SQSTM1: variants seen among roughly 807,000 people sequenced by gnomAD.
SQSTM1 encodes sequestosome-1.
Under a neutral mutation model 45.1 loss-of-function variants are expected in SQSTM1, and 36 were observed. That is an observed-to-expected ratio of 0.80 (90% CI 0.61 to 1.05). SQSTM1 has a LOEUF of 1.05. SQSTM1 is among the 50% of genes least tolerant of loss of function. SQSTM1 has a pLI of 0.00. For missense variants in SQSTM1, 617 were observed against 607.1 expected (o/e 1.02, Z -0.17); for synonymous variants, 290 against 244.3 (o/e 1.19, Z -1.74).
At position 179,835,673 on chromosome 5, in the gene SQSTM1, G is replaced by A. The variant is rs565564961; in HGVS notation, c.1166-763G>A. ...TTTGGCTCGGCATCAGAGGGAGACC[G>A]TGGAGAAAGAGGGAGAGGGAAAGCT... On this transcript the variant is annotated intron_variant, in intron 7 of 7. Transcript: ENST00000389805. 659 of 121,400 alleles carry A rather than the reference G, an allele frequency of 5.4e-3. 12 individuals carry two copies. The highest frequency in any genetic ancestry group is 0.043 in the Admixed American group (477 of 11,088). The allele number at this position is 121,400 out of a possible 1,614,324, so 7.5% of individuals were successfully genotyped here. A position where few individuals can be genotyped will look rare whatever the true frequency, so the allele number is the denominator to read the frequency against.
chr5:179,823,421 A>G (rs549319049), intron 2 of SQSTM1: 4 of 225,874 alleles, frequency 1.8e-5, no homozygotes, highest in Non-Finnish European at 3.4e-5. Flanking sequence ...CCGAAATCAC[A>G]TGACTGTACT....
Position 179,837,761 on chromosome 5 carries a change from TGCTGGATGGGACTC to T in SQSTM1, c.*1169_*1182del. 1.2e-6 allele frequency: 2 copies of T among 1,614,250 alleles called. No homozygotes were observed. Among genetic ancestry groups the T allele is most frequent in the Non-Finnish European group, 1.7e-6 (2 of 1,180,052 alleles). ...CCATTTAGAGGATGTGGCTGTAACCTGCTGGATGGGACTCCATAGCTCCTTCCCAGGACCCCTCA... is the reference window on the plus strand; with the variant it reads ...CCATTTAGAGGATGTGGCTGTAACCTCATAGCTCCTTCCCAGGACCCCTCA... On this transcript the variant is annotated 3_prime_UTR_variant, in exon 8 of 8. Coordinates refer to ENST00000389805, the MANE Select transcript of SQSTM1 (RefSeq NM_003900.5).
At chr5:179,811,180 C>T (rs976879001) in intron 1 of SQSTM1, among the ~76,000 whole-genome samples, 1 of 151,860 alleles carries the variant, frequency 6.6e-6, no homozygotes, top group African/African-American at 2.4e-5. Context: ...TTTCAGTGAG[C>T]CGAGATCGCA....
chr5:179,815,912 C>G (rs550434143), upstream of SQSTM1, among the ~76,000 whole-genome samples: 1 of 151,444 alleles, frequency 6.6e-6, no homozygotes, highest in African/African-American at 2.5e-5. Flanking sequence ...ACAAAACTAC[C>G]TGAGCCCACA....
At chr5:179,820,898 G>T (rs764726476), upstream of SQSTM1, 18 of 1,465,808 alleles carry the variant, frequency 1.2e-5, no homozygotes, top group Non-Finnish European at 1.4e-5. Flanking sequence ...CGGCGGCTGC[G>T]ACCGGGACGG....
intron 1 of SQSTM1, among the ~76,000 whole-genome samples, chr5:179,822,328 T>G (rs1221758632): frequency 6.6e-6 from 1 of 152,252 alleles, no homozygotes. Flanking sequence ...TGTTCATTAG[T>G]TGACAGACAT....
chr5:179,835,335 A>T (rs166033), intron 7 of SQSTM1: 1 of 172,198 alleles, frequency 5.8e-6, no homozygotes, highest in Non-Finnish European at 1.2e-5. Context: ...TAAGGCAGGC[A>T]GCTGGGAGGT....
intron 5 of SQSTM1, among the ~76,000 whole-genome samples, chr5:179,828,318 T>A (rs1255404549): frequency 6.6e-6 from 1 of 152,052 alleles, no homozygotes; most frequent in Non-Finnish European, 1.5e-5. Flanking sequence ...ATTGTACTAT[T>A]CTTTCAACTT....
chr5:179,811,308 T>C, intron 1 of SQSTM1, among the ~76,000 whole-genome samples: 1 of 141,508 alleles, frequency 7.1e-6, no homozygotes, highest in Non-Finnish European at 1.5e-5. Context: ...CCACAGAAGC[T>C]CTGCAGGGGG....
upstream of SQSTM1, among the ~76,000 whole-genome samples, chr5:179,818,040 A>AAAAAAAAT (rs1757637622): frequency 6.8e-6 from 1 of 146,608 alleles, no homozygotes; most frequent in Non-Finnish European, 1.5e-5. Context: ...AAAAAAAAAA[A>AAAAAAAAT]GTGATGTCCA....
intron 1 of SQSTM1, chr5:179,807,714 G>A (rs1055027663): frequency 6.6e-6 from 1 of 152,448 alleles, no homozygotes; most frequent in Non-Finnish European, 1.5e-5. Flanking sequence ...GTGCAGTGGC[G>A]CAATCTCGGC....
At chr5:179,831,147 A>G (rs1440114662) in intron 5 of SQSTM1, among the ~76,000 whole-genome samples, 1 of 152,224 alleles carries the variant, frequency 6.6e-6, no homozygotes, top group East Asian at 1.9e-4. Context: ...GTATTAGGAA[A>G]CGGGGGACCT....
Position 179,833,800 on chromosome 5 carries a change from T to A in SQSTM1, c.1165+18T>A. Reference sequence around the variant, plus strand: ...CCCGCCAGGCAAGTGAACCAAGAGGTTTTGTACATATTCCTACCTTTCCCT... The same window carrying A: ...CCCGCCAGGCAAGTGAACCAAGAGGATTTGTACATATTCCTACCTTTCCCT... On this transcript the variant is annotated intron_variant, in intron 7 of 7. Coordinates refer to ENST00000389805, the MANE Select transcript of SQSTM1 (RefSeq NM_003900.5). 1 of 1,613,468 alleles carries A rather than the reference T, an allele frequency of 6.2e-7. No homozygotes were observed. The highest frequency in any genetic ancestry group is 8.5e-7 in the Non-Finnish European group (1 of 1,179,834).
rs761423892 is a variant in SQSTM1, at chr5:179,823,891, C to T, written c.335C>T (p.Pro112Leu). The change falls in exon 3 of 8, where the codon CCG becomes CTG. Residue 112 changes from proline to leucine, a missense_variant. Physicochemically the swap from Pro to Leu is moderately conservative, Grantham distance 98. Transcript: ENST00000389805. ...GAGTGCCGGCGGGACCACCGCCCAC[C>T]GTGTGCTCAGGAGGCGCCCCGCAAC... ...KKECRRDHRP[P>L]CAQEAPRNMV... The T allele has an allele frequency of 6.8e-6, 11 of 1,613,178 alleles. No homozygotes were observed. The highest frequency in any genetic ancestry group is 2.7e-5 in the African/African-American group (2 of 74,930).
intron 1 of SQSTM1, chr5:179,821,619 A>G (rs1201131518): frequency 1.1e-5 from 5 of 436,804 alleles, no homozygotes; most frequent in African/African-American, 4.1e-5. Flanking sequence ...TGACGCGGGT[A>G]AACAAGCGCG....
intron 1 of SQSTM1, among the ~76,000 whole-genome samples, chr5:179,811,306 G>A (rs1011540489): frequency 2.0e-5 from 3 of 149,194 alleles, no homozygotes; most frequent in Non-Finnish European, 4.4e-5. Flanking sequence ...AGCCACAGAA[G>A]CTCTGCAGGG....
intron 5 of SQSTM1, among the ~76,000 whole-genome samples, chr5:179,831,066 G>A (rs985511964): frequency 6.6e-6 from 1 of 152,176 alleles, no homozygotes; most frequent in Admixed American, 6.6e-5. Flanking sequence ...TTACTTTCTG[G>A]TATACAGTCT....
rs762547578 is a variant in SQSTM1 at position 179,823,868 on chromosome 5, G to A, written c.312G>A (p.Glu104=). ...IFRIYIKEKK[E]CRRDHRPPCA... is the part of the protein sequence containing the mutation. ...TTACCCTTCCTGTAGAGAAAAAAGAGTGCCGGCGGGACCACCGCCCACCGT... is the reference window on the plus strand; with the variant it reads ...TTACCCTTCCTGTAGAGAAAAAAGAATGCCGGCGGGACCACCGCCCACCGT... The change falls in exon 3 of 8, where the codon GAG becomes GAA. Residue 104 remains glutamate, a synonymous_variant. Transcript: ENST00000389805. The A allele has an allele frequency of 2.0e-5, 32 of 1,612,006 alleles. No individual in the cohort carries two copies. Among genetic ancestry groups the A allele is most frequent in the Non-Finnish European group, 2.5e-5 (30 of 1,179,994 alleles).
In SQSTM1 at chr5:179,836,839, G is replaced by C. The variant is rs1181133022; in HGVS notation, c.*246G>C. ...GCAGGGCTGGGCCTGCGAGACCCAA[G>C]GCTCACTGCAGCGCGCTCCTGACCC... is the stretch of plus-strand genomic sequence containing the variant. On this transcript the variant is annotated 3_prime_UTR_variant, in exon 8 of 8. Transcript: ENST00000389805. 2 of 659,042 alleles carry C rather than the reference G, an allele frequency of 3.0e-6. No homozygotes were observed. Among genetic ancestry groups the C allele is most frequent in the Non-Finnish European group, 2.7e-6 (1 of 376,374 alleles). The allele number at this position is 659,042 out of a possible 1,614,324, so 40.8% of individuals were successfully genotyped here. A position where few individuals can be genotyped will look rare whatever the true frequency, so the allele number is the denominator to read the frequency against.
Sources: gnomAD v4.1 joint callset for allele counts (sites outside exome capture counted in the v4.1 genomes callset) on GRCh38, gnomAD v4.1.1 for gene constraint, MANE v1.5 for transcripts, NCBI Gene and HGNC (gene_info 2026-07-23, HGNC 2026-07-21) for gene names.